The following KCNJ4 variants were observed in gnomAD, a reference collection of about 807,000 sequenced individuals.
KCNJ4 encodes inward rectifier potassium channel 4.
KCNJ4 carries 3 observed loss-of-function variants against 25.6 expected under a neutral mutation model. That is an observed-to-expected ratio of 0.12 (90% CI 0.05 to 0.30). The LOEUF is 0.30. Among genes scored for constraint, KCNJ4 ranks in the 10% least tolerant of loss-of-function variants. The pLI, the probability that KCNJ4 is intolerant of heterozygous loss-of-function variation, is 1.00. For missense variants in KCNJ4, 286 were observed against 666.8 expected, an observed-to-expected ratio of 0.43 and a Z score of 6.29; for synonymous variants, 257 against 283.9, an observed-to-expected ratio of 0.91 and a Z score of 0.95.
intron 1 of KCNJ4, among the ~76,000 whole-genome samples, chr22:38,428,764 AGAG>A (rs2093040525): frequency 6.6e-6 from 1 of 152,200 alleles, no homozygotes; most frequent in Non-Finnish European, 1.5e-5. Context: ...CACACTGGAC[AGAG>A]AAGACACAGG....
At chr22:38,442,835 C>T (rs1177413508) in intron 1 of KCNJ4, among the ~76,000 whole-genome samples, 1 of 152,114 alleles carries the variant, frequency 6.6e-6, no homozygotes, top group Non-Finnish European at 1.5e-5. Flanking sequence ...CTTGACTTCC[C>T]AGGCTCAAGC....
intron 1 of KCNJ4, among the ~76,000 whole-genome samples, chr22:38,433,114 A>G (rs1008642960): frequency 1.3e-5 from 2 of 152,148 alleles, no homozygotes; most frequent in Admixed American, 6.5e-5. Context: ...AAGAAGTGAC[A>G]ATGCTACACC....
rs1422037470 is a variant in KCNJ4 at position 38,427,025 on chromosome 22, C to T, written c.1108G>A (p.Ala370Thr). ...GCCAGCTCGTTCTCGTAGCAGAAGG[C>T]ACTGGGAGGGGGCGGTGGGGCGGGC... ...VLPAPPPPPS[A>T]FCYENELALM... The change falls in exon 2 of 2, where the codon GCC (alanine) becomes ACC (threonine). Residue 370 changes from alanine to threonine, a missense_variant. Transcript: ENST00000303592. 4 of 1,612,688 alleles carry T rather than the reference C, an allele frequency of 2.5e-6. No individual in the cohort carries two copies. The highest frequency in any genetic ancestry group is 3.4e-6 in the Non-Finnish European group (4 of 1,179,934).
chr22:38,445,853 C>T (rs1343813286), intron 1 of KCNJ4, among the ~76,000 whole-genome samples: 1 of 152,094 alleles, frequency 6.6e-6, no homozygotes, highest in Non-Finnish European at 1.5e-5. Context: ...AAATGGGATC[C>T]GGCGTGTGTC....
intron 1 of KCNJ4, among the ~76,000 whole-genome samples, chr22:38,451,201 T>G (rs2089408642): frequency 6.6e-6 from 1 of 152,152 alleles, no homozygotes; most frequent in Non-Finnish European, 1.5e-5. Context: ...CAAAGACTCC[T>G]AGGATTTTGG....
At chr22:38,439,833 G>C (rs1374836567) in intron 1 of KCNJ4, among the ~76,000 whole-genome samples, 1 of 147,506 alleles carries the variant, frequency 6.8e-6, no homozygotes, top group African/African-American at 2.5e-5. Context: ...GCTCACGCCT[G>C]TAATCCCAGC....
At chr22:38,454,777 G>A (rs375144389) in intron 1 of KCNJ4, among the ~76,000 whole-genome samples, 1 of 152,036 alleles carries the variant, frequency 6.6e-6, no homozygotes, top group Non-Finnish European at 1.5e-5. Flanking sequence ...GCTCCCAGAC[G>A]GACAGACGGA....
rs112749291 is a variant in KCNJ4 at position 38,439,515 on chromosome 22, G to A, written c.-39-11344C>T. On this transcript the variant is annotated intron_variant, in intron 1 of 1. Transcript: ENST00000303592. ...ATTCCGGCCGGGCATGGTGGTTCAC[G>A]CCTGTAATCCCGGCACTTTGGGAGG... Among the ~76,000 whole-genome samples the A allele has an allele frequency of 4.7e-3, 717 of 151,282 alleles. 7 individuals carry two copies. The highest frequency in any genetic ancestry group is 0.017 in the African/African-American group (685 of 41,262).
rs2093033908 is a variant in KCNJ4 at position 38,426,813 on chromosome 22, G to A, written c.1320C>T (p.Arg440=). ...CTGGAGGTCAGATGGCAGACTCCCTGCGGTAGGAGATGTTGTCCAGCGGGA... is the reference window on the plus strand; with the variant it reads ...CTGGAGGTCAGATGGCAGACTCCCTACGGTAGGAGATGTTGTCCAGCGGGA... ...ASLPLDNISY[R]RESAI Residue 440 remains arginine (R), a synonymous_variant, in exon 2 of 2, where the codon CGC becomes CGT. Transcript: ENST00000303592. 3.1e-6 allele frequency: 5 copies of A among 1,611,832 alleles called. No individual in the cohort carries two copies. The highest frequency in any genetic ancestry group is 2.7e-5 in the African/African-American group (2 of 74,866).
rs2089353324 is a variant in KCNJ4, at chr22:38,443,662, C to G, written c.-40+11318G>C. 6.6e-6 allele frequency among the ~76,000 whole-genome samples: 1 copy of G among 152,232 alleles called. No individual in the cohort carries two copies. The highest frequency in any genetic ancestry group is 6.5e-5 in the Admixed American group (1 of 15,294). On this transcript the variant is annotated intron_variant, in intron 1 of 1. Transcript: ENST00000303592. The surrounding 1 kb of genome is among the most constrained non-coding windows in gnomAD (Gnocchi z 4.1). ...CAAGGCAGGTGCTGTCATCATCATC[C>G]CACAGTGGGCTTGGGAGCTTGCCCA...
At chr22:38,454,005 A>G (rs748964737) in intron 1 of KCNJ4, among the ~76,000 whole-genome samples, 42 of 152,154 alleles carry the variant, frequency 2.8e-4, no homozygotes, top group Non-Finnish European at 5.4e-4. Flanking sequence ...TTGGGCCCCT[A>G]AAGTCCTGCT....
intron 1 of KCNJ4, among the ~76,000 whole-genome samples, chr22:38,447,144 T>TAGG (rs1247350671): frequency 4.0e-5 from 6 of 151,432 alleles, no homozygotes; most frequent in Non-Finnish European, 7.4e-5. Context: ...AGCCTTGGGG[T>TAGG]AGGGGAGGGG....
intron 1 of KCNJ4, among the ~76,000 whole-genome samples, chr22:38,436,826 G>A (rs2093066927): frequency 6.6e-6 from 1 of 152,176 alleles, no homozygotes; most frequent in Non-Finnish European, 1.5e-5. Flanking sequence ...ACTTGCCCAA[G>A]GTCACACAGT....
chr22:38,454,754 C>T (rs1345993717), intron 1 of KCNJ4, among the ~76,000 whole-genome samples: 2 of 152,132 alleles, frequency 1.3e-5, no homozygotes, highest in African/African-American at 4.8e-5. Flanking sequence ...CAGGCCACAA[C>T]CCAGACCGCG....
At chr22:38,444,557 G>C (rs543297307) in intron 1 of KCNJ4, among the ~76,000 whole-genome samples, 5 of 152,202 alleles carry the variant, frequency 3.3e-5, no homozygotes, top group Non-Finnish European at 5.9e-5. Context: ...CAGGGGCTCG[G>C]GGGAGGATGT....
chr22:38,437,230 G>C (rs2093067976), intron 1 of KCNJ4, among the ~76,000 whole-genome samples: 1 of 152,358 alleles, frequency 6.6e-6, no homozygotes, highest in Non-Finnish European at 1.5e-5. Context: ...AAAATGTCCA[G>C]AGGGGCCTTT....
At chr22:38,454,206 G>T (rs1409428307) in intron 1 of KCNJ4, among the ~76,000 whole-genome samples, 1 of 152,118 alleles carries the variant, frequency 6.6e-6, no homozygotes, top group Non-Finnish European at 1.5e-5. Flanking sequence ...CCTGCCTCTA[G>T]CCCGCCGCTC....
Position 38,426,539 on chromosome 22 carries a change from A to C in KCNJ4, c.*256T>G. On this transcript the variant is annotated 3_prime_UTR_variant, in exon 2 of 2. Transcript: ENST00000303592. The stretch of plus-strand genomic sequence containing the variant: ...CACGTCCTTGAAGAGTCAGTGGGGG[A>C]AGGGTGGTGGATCCGGGGACCTAGA... 1.2e-5 allele frequency: 5 copies of C among 414,314 alleles called. No individual in the cohort carries two copies. Among genetic ancestry groups the C allele is most frequent in the Admixed American group, 4.1e-5 (1 of 24,250 alleles). The allele number at this position is 414,314 out of a possible 1,614,324, so 25.7% of individuals were successfully genotyped here. A position where few individuals can be genotyped will look rare whatever the true frequency, so the allele number is the denominator to read the frequency against.
intron 1 of KCNJ4, among the ~76,000 whole-genome samples, chr22:38,441,981 T>C (rs897965413): frequency 6.6e-6 from 1 of 152,140 alleles, no homozygotes; most frequent in African/African-American, 2.4e-5. Flanking sequence ...AGCTACCATT[T>C]GTGTAAAAAA....
Sources: allele counts gnomAD v4.1 joint callset (sites outside exome capture counted in the v4.1 genomes callset), GRCh38; gene constraint gnomAD v4.1.1; non-coding constraint Gnocchi (gnomAD v3.1); transcripts MANE v1.5; gene names NCBI Gene and HGNC (gene_info 2026-07-23, HGNC 2026-07-21).